Variants in ADGRG6 observed in about 807,000 individuals in gnomAD.
The protein encoded by ADGRG6 is G-protein coupled receptor 126.
A neutral mutation model predicts 142.4 loss-of-function variants in ADGRG6; 84 were observed. The ratio of observed to expected loss-of-function variants is 0.59; its 90% CI spans 0.49 to 0.71. The LOEUF (loss-of-function observed/expected upper bound fraction) is 0.71. Ranked by LOEUF, ADGRG6 falls within the 30% of genes least tolerant of loss-of-function variation. ADGRG6 has a pLI of 0.00. For missense variants in ADGRG6, 1,367 were observed against 1,466.6 expected, an observed-to-expected ratio of 0.93 and a Z score of 1.11; for synonymous variants, 521 against 520.5, an observed-to-expected ratio of 1.00 and a Z score of -0.01.
rs764999436 is a variant in ADGRG6 at position 142,370,298 on chromosome 6, G to C, written c.574G>C (p.Val192Leu). 6.2e-7 allele frequency: 1 copy of C among 1,613,886 alleles called. No individual in the cohort carries two copies. The highest frequency in any genetic ancestry group is 8.5e-7 in the Non-Finnish European group (1 of 1,179,850). The change falls in exon 4 of 25, where the codon GTT becomes CTT. Residue 192 changes from valine to leucine, a missense_variant. Coordinates refer to ENST00000367609, the MANE Select transcript of ADGRG6 (RefSeq NM_198569.3). ...AFTLCFEATKVGHEDSDWTAF... is the reference protein window; with the variant it reads ...AFTLCFEATKLGHEDSDWTAF... The stretch of plus-strand genomic sequence containing the variant: ...CACACTCTGCTTTGAAGCAACCAAA[G>C]TTGGCCATGAAGACAGTGATTGGAC...
intron 14 of ADGRG6, 121 bp downstream of exon 14, chr6:142,404,094 T>C (rs758639910): frequency 1.1e-5 from 8 of 743,622 alleles, no homozygotes; most frequent in Non-Finnish European, 1.9e-5. Flanking sequence ...GGTCTGAATG[T>C]TGGCTAAGTT....
chr6:142,408,365 T>C, intron 16 of ADGRG6, 96 bp downstream of exon 16: 1 of 896,712 alleles, frequency 1.1e-6, no homozygotes, highest in South Asian at 2.2e-5. Flanking sequence ...AACTGACCCT[T>C]TTTTTGTGGA....
In ADGRG6 at chr6:142,306,259, G is replaced by A. The variant is rs115882513; in HGVS notation, c.3-3285G>A. ...AGTGGTAGGTTTTTAAGATTATTTCGGTGATCCATTTGGATAAAATAATGC... is the reference window on the plus strand; with the variant it reads ...AGTGGTAGGTTTTTAAGATTATTTCAGTGATCCATTTGGATAAAATAATGC... On this transcript the variant is annotated intron_variant, in intron 1 of 24. Transcript: ENST00000367609. Among the ~76,000 whole-genome samples the A allele has an allele frequency of 4.0e-3, 611 of 152,198 alleles. 2 individuals carry two copies. Among genetic ancestry groups the A allele is most frequent in the African/African-American group, 0.014 (585 of 41,550 alleles).
At chr6:142,383,442 G>A (rs139910483) in intron 5 of ADGRG6, among the ~76,000 whole-genome samples, 1,670 of 152,196 alleles carry the variant, frequency 0.011, 14 homozygotes, top group Non-Finnish European at 0.018. Flanking sequence ...GAAGGGTTTA[G>A]TGTTTTACTG....
intron 10 of ADGRG6, among the ~76,000 whole-genome samples, chr6:142,399,520 CTAGGAGGACCA>C (rs935697549): frequency 6.6e-5 from 10 of 152,066 alleles, no homozygotes; most frequent in Non-Finnish European, 8.8e-5. Context: ...CTGGAGAACC[CTAGGAGGACCA>C]GCACTGGCTC....
intron 22 of ADGRG6, among the ~76,000 whole-genome samples, chr6:142,428,496 C>T (rs1777060657): frequency 3.9e-5 from 6 of 152,072 alleles, no homozygotes; most frequent in Admixed American, 3.9e-4. Context: ...TTAGTTTTCA[C>T]ACTGCTATAT....
chr6:142,307,771 G>A (rs934235697), intron 1 of ADGRG6, among the ~76,000 whole-genome samples: 4 of 151,872 alleles, frequency 2.6e-5, no homozygotes, highest in Non-Finnish European at 5.9e-5. Flanking sequence ...CAAATATTTT[G>A]GATGGATGGA....
chr6:142,346,382 G>T (rs1779902349), intron 2 of ADGRG6, among the ~76,000 whole-genome samples: 1 of 152,052 alleles, frequency 6.6e-6, no homozygotes, highest in Non-Finnish European at 1.5e-5. Flanking sequence ...GTTTTGATCT[G>T]CATTCTCTAA....
chr6:142,435,559 A>G (rs1170232631), intron 22 of ADGRG6, among the ~76,000 whole-genome samples: 1 of 150,392 alleles, frequency 6.6e-6, no homozygotes, highest in African/African-American at 2.4e-5. Context: ...GTAAGCATTC[A>G]ATTAACTCAT....
rs1777668027 is a variant in ADGRG6 at position 142,309,634 on chromosome 6, T to A, written c.93T>A (p.Val31=). Residue 31 remains valine, a synonymous_variant, in exon 2 of 25, where the codon GTT becomes GTA. Coordinates refer to ENST00000367609, the MANE Select transcript of ADGRG6 (RefSeq NM_198569.3). ...TATTTGCTTTATATATCATGTGTGT[T>A]CCTCACTCAGGTAAGACTCTTCCTC... is the stretch of plus-strand genomic sequence containing the variant. ...LFLFALYIMC[V]PHSVWGCANC... 6.3e-7 allele frequency: 1 copy of A among 1,593,406 alleles called. No homozygotes were observed. The highest frequency in any genetic ancestry group is 8.6e-7 in the Non-Finnish European group (1 of 1,166,390).
At position 142,370,784 on chromosome 6, in the gene ADGRG6, C is replaced by T; in HGVS notation, c.1060C>T (p.Leu354=). The T allele has an allele frequency of 6.2e-7, 1 of 1,613,052 alleles. No homozygotes were observed. Among genetic ancestry groups the T allele is most frequent in the Non-Finnish European group, 8.5e-7 (1 of 1,179,572 alleles). Residue 354 remains leucine (L), a synonymous_variant, in exon 4 of 25, where the codon CTA becomes TTA. Coordinates refer to ENST00000367609, the MANE Select transcript of ADGRG6 (RefSeq NM_198569.3). The stretch of plus-strand genomic sequence containing the variant: ...CCTAGCTCTGAAAGCTGAAAGCAAC[C>T]TAAGCTGTGGTGAGTTTGTAGCGTA... ...PNLALKAESN[L]SCGSYLIPLP...
At chr6:142,361,817 T>G (rs1780730536) in intron 2 of ADGRG6, among the ~76,000 whole-genome samples, 1 of 152,104 alleles carries the variant, frequency 6.6e-6, no homozygotes. Context: ...TGTTTTTTTT[T>G]TTTTAAAGCT....
Position 142,415,958 on chromosome 6 carries a change from C to T in ADGRG6, c.2832C>T (p.Thr944=), listed in dbSNP as rs533361473. 1.2e-5 allele frequency: 19 copies of T among 1,613,246 alleles called. No homozygotes were observed. Among genetic ancestry groups the T allele is most frequent in the South Asian group, 3.3e-5 (3 of 91,078 alleles). ...TGTTGCATTTCTTCCTTCTGGCAAC[C>T]TTTACCTGGATGGGGCTAGAAGCAA... ...AVLLHFFLLA[T]FTWMGLEAIH... Residue 944 remains threonine (T), a synonymous_variant, in exon 20 of 25, where the codon ACC becomes ACT. Coordinates refer to ENST00000367609, the MANE Select transcript of ADGRG6 (RefSeq NM_198569.3).
intron 13 of ADGRG6, among the ~76,000 whole-genome samples, chr6:142,403,494 G>A (rs762534775): frequency 2.0e-5 from 3 of 152,090 alleles, no homozygotes; most frequent in Non-Finnish European, 4.4e-5. Flanking sequence ...CCGTAAGGTA[G>A]GGAGGATGCT....
chr6:142,396,912 G>A (rs1775223875), intron 9 of ADGRG6, among the ~76,000 whole-genome samples: 1 of 152,100 alleles, frequency 6.6e-6, no homozygotes, highest in Non-Finnish European at 1.5e-5. Context: ...GTTTTTAACA[G>A]GGCTTTGGGG....
At chr6:142,377,164 T>C (rs1344798495) in intron 4 of ADGRG6, among the ~76,000 whole-genome samples, 1 of 152,196 alleles carries the variant, frequency 6.6e-6, no homozygotes, top group Non-Finnish European at 1.5e-5. Context: ...CGGGTTCTTG[T>C]CACACAACTA....
At chr6:142,362,848 A>G (rs1780785235) in intron 2 of ADGRG6, among the ~76,000 whole-genome samples, 1 of 152,214 alleles carries the variant, frequency 6.6e-6, no homozygotes, top group South Asian at 2.1e-4. Context: ...AACTGATTCT[A>G]GAATTCATAG....
intron 2 of ADGRG6, among the ~76,000 whole-genome samples, chr6:142,338,027 T>TTTTTTTTTTTTTTTTTTTTTTTTG (rs892007926): frequency 2.1e-4 from 12 of 58,020 alleles, no homozygotes; most frequent in East Asian, 6.0e-4. Flanking sequence ...GTTTTTTTTT[T>TTTTTTTTTTTTTTTTTTTTTTTTG]TTTTTTTTTT....
chr6:142,441,818 G>A (rs2115219137), intron 24 of ADGRG6, among the ~76,000 whole-genome samples: 2 of 152,300 alleles, frequency 1.3e-5, no homozygotes, highest in South Asian at 4.1e-4. Context: ...AGCTTGCTGA[G>A]AGCCTAATGG....
Sources: allele counts gnomAD v4.1 joint callset (sites outside exome capture counted in the v4.1 genomes callset), GRCh38; gene constraint gnomAD v4.1.1; transcripts MANE v1.5; gene names NCBI Gene and HGNC (gene_info 2026-07-23, HGNC 2026-07-21).